Variants in PREX1 observed in about 807,000 individuals in gnomAD.
PREX1 encodes phosphatidylinositol-3,4,5-trisphosphate dependent Rac exchange factor 1, also known as phosphatidylinositol 3,4,5-trisphosphate-dependent Rac exchanger 1 protein.
Under a neutral mutation model 198.3 loss-of-function variants are expected in PREX1, and 41 were observed. The ratio of observed to expected loss-of-function variants is 0.21; its 90% confidence interval spans 0.16 to 0.27. PREX1 has a LOEUF of 0.27. Among genes scored for constraint, PREX1 ranks in the 10% least tolerant of loss-of-function variants. The pLI is 1.00. For synonymous variants in PREX1, 843 were observed against 887.2 expected, an observed-to-expected ratio of 0.95 and a Z score of 0.89; for missense variants, 1,620 against 2,200.7, an observed-to-expected ratio of 0.74 and a Z score of 5.28.
At chr20:48,881,664 T>TTAC in the PREX1 span, among the ~76,000 whole-genome samples, 1 of 152,084 alleles carries the variant, frequency 6.6e-6, no homozygotes, top group Non-Finnish European at 1.5e-5. Context: ...TTTTTGTACT[T>TTAC]TTAGTAGAGA....
intron 5 of PREX1, among the ~76,000 whole-genome samples, chr20:48,716,891 A>G (rs150089835): frequency 6.6e-6 from 1 of 152,176 alleles, no homozygotes; most frequent in African/African-American, 2.4e-5. Flanking sequence ...TCCTGAGCAC[A>G]AGGCTGGCAC....
Position 48,639,773 on chromosome 20 carries a change from A to G in PREX1, c.3897T>C (p.Tyr1299=), listed in dbSNP as rs777911503. Residue 1299 remains tyrosine, a synonymous_variant, in exon 30 of 40, where the codon TAT becomes TAC. Transcript: ENST00000371941. ...CCCTCCCTGCCCACCGACCTTCCAC[A>G]TATCTCTGAATGTTGTCCACCAGGG... ...IKTLVDNIQR[Y]VEDGKNQLLL... 3.1e-6 allele frequency: 5 copies of G among 1,613,692 alleles called. No individual in the cohort carries two copies. Among genetic ancestry groups the G allele is most frequent in the African/African-American group, 1.3e-5 (1 of 74,842 alleles).
At chr20:48,789,516 G>C (rs956860884) in intron 1 of PREX1, among the ~76,000 whole-genome samples, 8 of 152,318 alleles carry the variant, frequency 5.3e-5, no homozygotes, top group African/African-American at 1.9e-4. Flanking sequence ...ATAGATAAGG[G>C]AGCGGAGTCA....
At chr20:48,863,673 C>T in the PREX1 span, among the ~76,000 whole-genome samples, 2 of 151,090 alleles carry the variant, frequency 1.3e-5, no homozygotes, top group South Asian at 2.1e-4. Context: ...CTGCAGCCTC[C>T]GCCTCCCAGG....
intron 30 of PREX1, among the ~76,000 whole-genome samples, chr20:48,638,254 G>A (rs370601095): frequency 9.2e-5 from 14 of 151,646 alleles, no homozygotes; most frequent in African/African-American, 3.4e-4. Context: ...CACCACACAC[G>A]TGCACTCATC....
intron 1 of PREX1, among the ~76,000 whole-genome samples, chr20:48,803,239 C>A (rs1386331003): frequency 6.6e-6 from 1 of 152,150 alleles, no homozygotes; most frequent in East Asian, 1.9e-4. Flanking sequence ...CATGGCTTCC[C>A]AGCAGCACAG....
Position 48,657,138 on chromosome 20 carries a change from C to T in PREX1, c.2025G>A (p.Leu675=), listed in dbSNP as rs2089551554. The T allele has an allele frequency of 1.2e-6, 2 of 1,613,284 alleles. No individual in the cohort carries two copies. The highest frequency in any genetic ancestry group is 1.7e-6 in the Non-Finnish European group (2 of 1,179,710). Residue 675 remains leucine (L), a synonymous_variant, in exon 18 of 40, where the codon CTG becomes CTA. Transcript: ENST00000371941. ...CCTCTGAAAACGGCCGCAGGAACACCAGGTCCTCATTGATGGAGTAGATCT... is the reference window on the plus strand; with the variant it reads ...CCTCTGAAAACGGCCGCAGGAACACTAGGTCCTCATTGATGGAGTAGATCT... ...GRKIYSINED[L]VFLRPFSEVE...
intron 5 of PREX1, among the ~76,000 whole-genome samples, chr20:48,715,329 C>A (rs575913727): frequency 1.6e-4 from 24 of 152,292 alleles, no homozygotes; most frequent in African/African-American, 5.8e-4. Flanking sequence ...GGAGCTTTCT[C>A]GCAAGAGAGA....
intron 36 of PREX1, 68 bp from the exon 37 acceptor site, chr20:48,629,689 G>A (rs1186811567): frequency 1.3e-6 from 2 of 1,517,376 alleles, no homozygotes; most frequent in Non-Finnish European, 1.8e-6. Context: ...CCCCCATCTG[G>A]CCCTCCTCCC....
the PREX1 span, among the ~76,000 whole-genome samples, chr20:48,847,362 T>TTTAAAAAAAAAAA: frequency 1.0e-5 from 1 of 95,724 alleles, no homozygotes; most frequent in Non-Finnish European, 2.2e-5. Flanking sequence ...TTCCTTCTCT[T>TTTAAAAAAAAAAA]ATAAAAAAAA....
At chr20:48,769,777 T>C (rs1456027143) in intron 1 of PREX1, among the ~76,000 whole-genome samples, 1 of 152,168 alleles carries the variant, frequency 6.6e-6, no homozygotes, top group East Asian at 1.9e-4. Flanking sequence ...GCCCACACCA[T>C]TGAAAACTGC....
intron 1 of PREX1, among the ~76,000 whole-genome samples, chr20:48,756,146 T>G (rs1380339046): frequency 6.6e-6 from 1 of 152,204 alleles, no homozygotes; most frequent in African/African-American, 2.4e-5. Flanking sequence ...CGACCAGCCC[T>G]CCTTCTCTGA....
chr20:48,808,100 G>C (rs1433302156), intron 1 of PREX1, among the ~76,000 whole-genome samples: 1 of 152,180 alleles, frequency 6.6e-6, no homozygotes, highest in African/African-American at 2.4e-5. Context: ...TCTGGATCCT[G>C]TTCATTCAAA....
At chr20:48,883,968 G>A in the PREX1 span, among the ~76,000 whole-genome samples, 4 of 151,930 alleles carry the variant, frequency 2.6e-5, no homozygotes, top group Admixed American at 2.0e-4. Context: ...GTGAAACCCC[G>A]TCTCTACTAA....
chr20:48,843,994 G>C, the PREX1 span, among the ~76,000 whole-genome samples: 1 of 151,926 alleles, frequency 6.6e-6, no homozygotes, highest in Non-Finnish European at 1.5e-5. Context: ...AAAAAAGTTA[G>C]CCAGGCATGG....
the PREX1 span, among the ~76,000 whole-genome samples, chr20:48,876,610 A>G: frequency 6.6e-6 from 1 of 152,106 alleles, no homozygotes; most frequent in African/African-American, 2.4e-5. Flanking sequence ...TTCTTGTTGG[A>G]AGTCACATCC....
At chr20:48,630,578 G>A in intron 36 of PREX1, 150 bp downstream of exon 36, 1 of 616,224 alleles carries the variant, frequency 1.6e-6, no homozygotes, top group Non-Finnish European at 2.8e-6. Flanking sequence ...TATCATGGGA[G>A]ACTTCCTGGA....
At chr20:48,655,164 G>C (rs2089532480) in intron 19 of PREX1, 126 bp downstream of exon 19, 1 of 1,048,114 alleles carries the variant, frequency 9.5e-7, no homozygotes, top group Non-Finnish European at 1.4e-6. Flanking sequence ...ATCAGGCAAA[G>C]AAAATAAGTG....
chr20:48,641,085 A>G (rs1240383740), intron 29 of PREX1, among the ~76,000 whole-genome samples: 1 of 151,932 alleles, frequency 6.6e-6, no homozygotes, highest in African/African-American at 2.4e-5. Flanking sequence ...CACGGATAGT[A>G]GGTTGGGTGG....
Sources: allele counts gnomAD v4.1 joint callset (sites outside exome capture counted in the v4.1 genomes callset), GRCh38; gene constraint gnomAD v4.1.1; transcripts MANE v1.5; gene names NCBI Gene and HGNC (gene_info 2026-07-23, HGNC 2026-07-21).